FBXO38: variants seen among roughly 807,000 people sequenced by gnomAD.
FBXO38 encodes F-box protein 38, also known as F-box only protein 38.
FBXO38 carries 53 observed loss-of-function variants against 131.9 expected under a neutral mutation model. The ratio of observed to expected loss-of-function variants is 0.40; its 90% CI spans 0.32 to 0.51. FBXO38 has a LOEUF of 0.51. Ranked by LOEUF, FBXO38 falls within the 20% of genes least tolerant of loss-of-function variation. The probability of loss-of-function intolerance (pLI) is 0.53; values close to 1 mark genes in which losing one functional copy is unlikely to be tolerated. For synonymous variants in FBXO38, 452 were observed against 505.6 expected, an observed-to-expected ratio of 0.89 and a Z score of 1.42; for missense variants, 1,076 against 1,475.6, an observed-to-expected ratio of 0.73 and a Z score of 4.44.
intron 9 of FBXO38, among the ~76,000 whole-genome samples, chr5:148,411,427 A>C (rs931620908): frequency 6.6e-6 from 1 of 152,206 alleles, no homozygotes; most frequent in African/African-American, 2.4e-5. Flanking sequence ...TATTTATTCA[A>C]GAATTCATTT....
At chr5:148,398,534 GATGGTGGAGTTGAGAGGGAGCAGA>G (rs1311263036) in intron 2 of FBXO38, among the ~76,000 whole-genome samples, 2 of 152,088 alleles carry the variant, frequency 1.3e-5, no homozygotes, top group African/African-American at 4.8e-5. Context: ...GCAGGAGCAG[GATGGTGGAGTTGAGAGGGAGCAGA>G]ATGTCCCTGC....
intron 19 of FBXO38, 80 bp downstream of exon 19, chr5:148,439,872 C>T: frequency 2.8e-6 from 4 of 1,418,032 alleles, no homozygotes; most frequent in Non-Finnish European, 3.9e-6. Flanking sequence ...CCCAATTTTT[C>T]TTTATTTTAA....
chr5:148,401,491 ATAATT>A (rs1752148063), intron 3 of FBXO38, among the ~76,000 whole-genome samples: 1 of 152,196 alleles, frequency 6.6e-6, no homozygotes, highest in Admixed American at 6.5e-5. Flanking sequence ...AATGGATAGA[ATAATT>A]TGAGATAGGA....
Position 148,406,277 on chromosome 5 carries a change from T to G in FBXO38, c.751T>G (p.Tyr251Asp). ...NCAGPTNSLK[Y>D]VPLVTGLASA... ...TCCAGGACCCACAAATTCCTTGAAA[T>G]ATGTCCCTTTAGTAACAGGCTTAGC... is the stretch of plus-strand genomic sequence containing the variant. Residue 251 changes from tyrosine to aspartate, a missense_variant, in exon 7 of 22, where the codon TAT becomes GAT. By Grantham distance (160) the Tyr-to-Asp change is radical (BLOSUM62 -3). Transcript: ENST00000340253. 1 of 1,585,828 alleles carries G rather than the reference T, an allele frequency of 6.3e-7. No homozygotes were observed. The highest frequency in any genetic ancestry group is 8.6e-7 in the Non-Finnish European group (1 of 1,169,392).
intron 1 of FBXO38, 137 bp from the exon 2 acceptor site, chr5:148,394,577 A>G (rs2113504443): frequency 6.3e-6 from 2 of 317,752 alleles, no homozygotes; most frequent in South Asian, 1.4e-4. Context: ...GAACAAATTA[A>G]TATTTTTATT....
At chr5:148,438,646 G>T in intron 18 of FBXO38, 148 bp downstream of exon 18, 1 of 752,880 alleles carries the variant, frequency 1.3e-6, no homozygotes, top group Non-Finnish European at 2.1e-6. Context: ...GGTTATGTAT[G>T]ATATAGGGAG....
At chr5:148,401,616 G>A (rs1179768840) in intron 3 of FBXO38, among the ~76,000 whole-genome samples, 6 of 152,126 alleles carry the variant, frequency 3.9e-5, no homozygotes, top group African/African-American at 1.2e-4. Flanking sequence ...GTACCCATGG[G>A]GGAGGAGGAG....
chr5:148,399,338 T>C, intron 3 of FBXO38: 2 of 561,502 alleles, frequency 3.6e-6, no homozygotes, highest in Non-Finnish European at 3.2e-6. Flanking sequence ...TCTGCTCTTT[T>C]CATTTCCTGT....
chr5:148,441,633 G>T, intron 21 of FBXO38: 1 of 208,756 alleles, frequency 4.8e-6, no homozygotes, highest in Non-Finnish European at 9.4e-6. Context: ...AGAAATTTTT[G>T]AATGTAGTTT....
chr5:148,428,640 G>C (rs993872766), intron 15 of FBXO38, among the ~76,000 whole-genome samples: 1 of 151,916 alleles, frequency 6.6e-6, no homozygotes, highest in African/African-American at 2.4e-5. Flanking sequence ...TATCATTACT[G>C]CCTGACAGTG....
At chr5:148,388,504 C>T (rs773449543) in intron 1 of FBXO38, among the ~76,000 whole-genome samples, 7 of 152,206 alleles carry the variant, frequency 4.6e-5, no homozygotes, top group Non-Finnish European at 7.3e-5. Context: ...TACTTTCAGC[C>T]GTTATCTAAG....
chr5:148,393,192 T>G (rs997009582), intron 1 of FBXO38, among the ~76,000 whole-genome samples: 3 of 118,292 alleles, frequency 2.5e-5, no homozygotes, highest in Admixed American at 8.9e-5. Context: ...AAGAGGGGTG[T>G]GTGTGTGTGT....
chr5:148,390,631 G>C (rs1758150066), intron 1 of FBXO38, among the ~76,000 whole-genome samples: 1 of 152,116 alleles, frequency 6.6e-6, no homozygotes, highest in Non-Finnish European at 1.5e-5. Flanking sequence ...TCAGCTTCCT[G>C]GAGATCTAAC....
chr5:148,401,522 T>C lies in FBXO38; in HGVS notation c.263-460T>C, dbSNP rs115414530. On this transcript the variant is annotated intron_variant, in intron 3 of 21. Coordinates refer to ENST00000340253, the MANE Select transcript of FBXO38 (RefSeq NM_205836.3). The stretch of plus-strand genomic sequence containing the variant: ...TGAGATAGGAATTAGGTCAGAACTG[T>C]GAGCTTCCTAACGATGAGGATCATA... Among the ~76,000 whole-genome samples the C allele has an allele frequency of 5.3e-3, 803 of 152,258 alleles. 10 individuals carry two copies. Among genetic ancestry groups the C allele is most frequent in the African/African-American group, 0.018 (765 of 41,544 alleles).
chr5:148,441,903 T>G, intron 21 of FBXO38, 66 bp from the exon 22 acceptor site: 1 of 1,405,290 alleles, frequency 7.1e-7, no homozygotes, highest in Admixed American at 1.9e-5. Flanking sequence ...TGGACCAGCT[T>G]ATCAGTGATT....
At chr5:148,418,690 T>TG (rs1194257080) in intron 12 of FBXO38, among the ~76,000 whole-genome samples, 2 of 152,152 alleles carry the variant, frequency 1.3e-5, no homozygotes, top group African/African-American at 4.8e-5. Flanking sequence ...GGACTGTACG[T>TG]GGGAAACTTA....
intron 12 of FBXO38, among the ~76,000 whole-genome samples, chr5:148,422,270 C>T (rs1445433979): frequency 1.3e-5 from 2 of 152,192 alleles, no homozygotes; most frequent in African/African-American, 4.8e-5. Context: ...CTGCCCTCAT[C>T]TTGTACTACT....
At position 148,404,822 on chromosome 5, in the gene FBXO38, G is replaced by T; in HGVS notation, c.730G>T (p.Gly244Ter). 6.3e-7 allele frequency: 1 copy of T among 1,594,870 alleles called. No homozygotes were observed. Among genetic ancestry groups the T allele is most frequent in the Non-Finnish European group, 8.5e-7 (1 of 1,174,272 alleles). The change falls in exon 6 of 22, where the codon GGA becomes TGA. Residue 244 changes from glycine to a stop codon, truncating the protein, a stop_gained and splice_region_variant. Coordinates refer to ENST00000340253, the MANE Select transcript of FBXO38 (RefSeq NM_205836.3). LOFTEE classifies it high-confidence loss of function. ...AACTTTCGTCATGAGGAACTGTGCA[G>T]GTAATGGTACACAATTATGGTGGAA... ...LRTFVMRNCA[G>*]PTNSLKYVPL...
intron 7 of FBXO38, among the ~76,000 whole-genome samples, chr5:148,407,596 T>TC (rs1264167748): frequency 6.6e-6 from 1 of 152,052 alleles, no homozygotes; most frequent in Non-Finnish European, 1.5e-5. Flanking sequence ...AATTAAAATT[T>TC]TTTTTTTTTT....
Sources: gnomAD v4.1 joint callset for allele counts (sites outside exome capture counted in the v4.1 genomes callset) on GRCh38, gnomAD v4.1.1 for gene constraint, MANE v1.5 for transcripts, NCBI Gene and HGNC (gene_info 2026-07-23, HGNC 2026-07-21) for gene names.